SETD2: variants seen among roughly 807,000 people sequenced by gnomAD.
SETD2 encodes the protein SET domain containing 2, histone lysine methyltransferase, also known as histone-lysine N-methyltransferase SETD2.
SETD2 carries 31 observed loss-of-function variants against 242.1 expected under a neutral mutation model. The ratio of observed to expected loss-of-function variants is 0.13; its 90% CI spans 0.10 to 0.17. The LOEUF (loss-of-function observed/expected upper bound fraction) is 0.17. Among genes scored for constraint, SETD2 ranks in the 10% least tolerant of loss-of-function variants. The pLI is 1.00. For synonymous variants in SETD2, 1,006 were observed against 1,066.5 expected (o/e 0.94, Z 1.11); for missense variants, 2,481 against 3,046.3 (o/e 0.81, Z 4.37).
intron 12 of SETD2, among the ~76,000 whole-genome samples, chr3:47,075,149 A>G (rs2041000879): frequency 6.6e-6 from 1 of 152,008 alleles, no homozygotes; most frequent in Non-Finnish European, 1.5e-5. Flanking sequence ...AAAAAAAAAA[A>G]AAATCTCTGC....
chr3:47,121,469 G>A lies in SETD2; in HGVS notation c.3167C>T (p.Ser1056Leu), dbSNP rs776300341. The A allele has an allele frequency of 7.4e-6, 12 of 1,613,450 alleles. No individual in the cohort carries two copies. The highest frequency in any genetic ancestry group is 2.2e-5 in the South Asian group (2 of 91,080). Residue 1056 changes from serine (S) to leucine (L), a missense_variant, in exon 3 of 21, where the codon TCG (serine) becomes TTG (leucine). Physicochemically the swap from Ser to Leu is moderately radical, Grantham distance 145. Coordinates refer to ENST00000409792, the MANE Select transcript of SETD2 (RefSeq NM_014159.7). ...GTTTCTTGGAATACTGCTATCATCCGAATCTGTATCTTCTGAATCACTTTC... is the reference window on the plus strand; with the variant it reads ...GTTTCTTGGAATACTGCTATCATCCAAATCTGTATCTTCTGAATCACTTTC... Reference protein sequence around the residue: ...NDESDSEDTDSDDSSIPRNRL... With the variant: ...NDESDSEDTDLDDSSIPRNRL...
chr3:47,128,002 CA>C (rs2043385086), intron 1 of SETD2, among the ~76,000 whole-genome samples: 2 of 152,110 alleles, frequency 1.3e-5, no homozygotes, highest in African/African-American at 4.8e-5. Context: ...CTCACACACA[CA>C]CACACACACA....
At chr3:47,117,736 G>A (rs2042920839) in intron 3 of SETD2, among the ~76,000 whole-genome samples, 2 of 152,210 alleles carry the variant, frequency 1.3e-5, no homozygotes, top group African/African-American at 4.8e-5. Flanking sequence ...CTTTCTCCAT[G>A]CAGACAGATT....
intron 15 of SETD2, among the ~76,000 whole-genome samples, chr3:47,048,547 C>T (rs1227737488): frequency 6.6e-6 from 1 of 151,758 alleles, no homozygotes; most frequent in Non-Finnish European, 1.5e-5. Flanking sequence ...ACTTGGGCTA[C>T]ACTAAGTTTA....
chr3:47,154,822 C>T (rs1160058003), intron 1 of SETD2, among the ~76,000 whole-genome samples: 1 of 151,988 alleles, frequency 6.6e-6, no homozygotes, highest in Non-Finnish European at 1.5e-5. Flanking sequence ...TGAAACCCAT[C>T]TCTACTAAAA....
At chr3:47,096,635 C>A (rs2042018447) in intron 9 of SETD2, among the ~76,000 whole-genome samples, 1 of 149,874 alleles carries the variant, frequency 6.7e-6, no homozygotes, top group African/African-American at 2.5e-5. Flanking sequence ...GTAATCCCAG[C>A]ACTTTGGGAG....
intron 16 of SETD2, among the ~76,000 whole-genome samples, 158 bp downstream of exon 16, chr3:47,046,327 ACT>A (rs1193520265): frequency 6.7e-6 from 1 of 149,624 alleles, no homozygotes; most frequent in Non-Finnish European, 1.5e-5. Context: ...ACAGAGCGAG[ACT>A]CTGTCTCAAA....
chr3:47,069,142 G>T (rs1269152713), intron 12 of SETD2, among the ~76,000 whole-genome samples: 2 of 152,250 alleles, frequency 1.3e-5, no homozygotes, highest in South Asian at 2.1e-4. Context: ...TATGAGGTAA[G>T]TACTATTACC....
chr3:47,060,709 A>T (rs911865008), intron 14 of SETD2, among the ~76,000 whole-genome samples: 9 of 152,370 alleles, frequency 5.9e-5, no homozygotes, highest in South Asian at 2.1e-4. Context: ...ACACAATTTA[A>T]AAAACCATAA....
At chr3:47,145,463 C>T (rs1196790783) in intron 1 of SETD2, 1 of 409,242 alleles carries the variant, frequency 2.4e-6, no homozygotes, top group South Asian at 1.8e-5. Flanking sequence ...AGTACAATCC[C>T]AGCTTGCTGC....
intron 16 of SETD2, among the ~76,000 whole-genome samples, chr3:47,044,768 G>A (rs1365258787): frequency 1.3e-5 from 2 of 152,120 alleles, no homozygotes; most frequent in Admixed American, 6.5e-5. Flanking sequence ...AACATGTATA[G>A]TGAAGTATAT....
At chr3:47,056,287 G>T (rs1222136080) in intron 15 of SETD2, among the ~76,000 whole-genome samples, 1 of 151,548 alleles carries the variant, frequency 6.6e-6, no homozygotes, top group Non-Finnish European at 1.5e-5. Flanking sequence ...ACCATGGCCG[G>T]CTAATTTTTT....
intron 7 of SETD2, among the ~76,000 whole-genome samples, chr3:47,102,624 C>A (rs1412073152): frequency 6.6e-6 from 1 of 152,028 alleles, no homozygotes; most frequent in East Asian, 1.9e-4. Flanking sequence ...AACCCCGTCT[C>A]TACTAAAAAT....
chr3:47,090,384 TA>T (rs984137588), intron 9 of SETD2, among the ~76,000 whole-genome samples: 3 of 152,154 alleles, frequency 2.0e-5, no homozygotes, highest in African/African-American at 7.2e-5. Flanking sequence ...AATGGATTAT[TA>T]TTTTTTTATT....
At position 47,116,678 on chromosome 3, in the gene SETD2, G is replaced by C. The variant is rs756750287; in HGVS notation, c.4531C>G (p.Gln1511Glu). The change falls in exon 4 of 21, where the codon CAA becomes GAA. Residue 1511 changes from glutamine (Q) to glutamate (E), a missense_variant. Gln to Glu is a conservative substitution (Grantham distance 29). This residue lies in a region of SETD2 where 48 missense variants were observed against 76.6 expected (regional missense o/e 0.63). Coordinates refer to ENST00000409792, the MANE Select transcript of SETD2 (RefSeq NM_014159.7). ...CTPLSKDERA[Q>E]GEIACGEDCL... ...TCTTCCCCACATGCTATTTCACCTT[G>C]AGCTCTTTCATCTTTAGAAAGAGGT... is the stretch of plus-strand genomic sequence containing the variant. The C allele has an allele frequency of 1.9e-6, 3 of 1,612,032 alleles. No homozygotes were observed. Among genetic ancestry groups the C allele is most frequent in the Non-Finnish European group, 1.7e-6 (2 of 1,178,470 alleles).
intron 12 of SETD2, among the ~76,000 whole-genome samples, chr3:47,068,489 CTATCTTTTTTTTT>C (rs2040663302): frequency 7.0e-6 from 1 of 142,336 alleles, no homozygotes; most frequent in African/African-American, 2.6e-5. Flanking sequence ...TTCAAATACA[CTATCTTTTTTTTT>C]TTTTTTTTTT....
chr3:47,102,951 A>G (rs1386557917), intron 7 of SETD2, among the ~76,000 whole-genome samples: 1 of 152,202 alleles, frequency 6.6e-6, no homozygotes, highest in Admixed American at 6.5e-5. Flanking sequence ...AATAATATAC[A>G]AAATAATTAT....
rs180887446 is a variant in SETD2, at chr3:47,150,932, A to G, written c.71+12922T>C. Among the ~76,000 whole-genome samples, 771 of 151,874 alleles carry G rather than the reference A, an allele frequency of 5.1e-3. 8 individuals are homozygous for G. The highest frequency in any genetic ancestry group is 0.018 in the African/African-American group (731 of 41,484). On this transcript the variant is annotated intron_variant, in intron 1 of 20. Transcript: ENST00000409792. ...AAGACCCTATCTTTAAAAAAAAAAA[A>G]AAAGAAAGAAAAAGAAAAAAGAAAA...
Position 47,054,250 on chromosome 3 carries a change from C to T in SETD2, c.6963+2571G>A, listed in dbSNP as rs150825681. Among the ~76,000 whole-genome samples the T allele has an allele frequency of 3.6e-3, 546 of 152,264 alleles. 4 individuals are homozygous for T. Among genetic ancestry groups the T allele is most frequent in the African/African-American group, 0.013 (521 of 41,534 alleles). ...GACTAGAAGCAAGTAAATTGTGATG[C>T]TTGGCTCTTAGGGCTAATGAATAAA... On this transcript the variant is annotated intron_variant, in intron 15 of 20. Coordinates refer to ENST00000409792, the MANE Select transcript of SETD2 (RefSeq NM_014159.7).
Sources: gnomAD v4.1 joint callset for allele counts (sites outside exome capture counted in the v4.1 genomes callset) on GRCh38, gnomAD v4.1.1 for gene constraint, gnomAD v4.1.1 regional missense constraint, MANE v1.5 for transcripts, NCBI Gene and HGNC (gene_info 2026-07-23, HGNC 2026-07-21) for gene names.